The following UBE3C variants were observed in gnomAD, a reference collection of about 807,000 sequenced individuals.
UBE3C encodes ubiquitin protein ligase E3C, also known as ubiquitin-protein ligase E3C.
Under a neutral mutation model 129.4 loss-of-function variants are expected in UBE3C, and 42 were observed. The observed-to-expected ratio is 0.32, with a 90% CI of 0.25 to 0.42. The LOEUF is 0.42. Among genes scored for constraint, UBE3C ranks in the 10% least tolerant of loss-of-function variants. The pLI, the probability that UBE3C is intolerant of heterozygous loss-of-function variation, is 1.00. For synonymous variants in UBE3C, 510 were observed against 492.4 expected (o/e 1.04, Z -0.47); for missense variants, 1,049 against 1,319.1 (o/e 0.80, Z 3.17).
intron 4 of UBE3C, among the ~76,000 whole-genome samples, chr7:157,173,076 G>A (rs1380377472): frequency 1.3e-5 from 2 of 152,182 alleles, no homozygotes; most frequent in Non-Finnish European, 2.9e-5. Flanking sequence ...TCCAGGAAAA[G>A]GATAAAAGAA....
At chr7:157,162,196 A>AT (rs71189985) in intron 1 of UBE3C, among the ~76,000 whole-genome samples, 14 of 151,564 alleles carry the variant, frequency 9.2e-5, no homozygotes, top group Admixed American at 7.2e-4. Context: ...AAGATATTTA[A>AT]TTTTTTTTTC....
chr7:157,185,695 T>C (rs918000578), intron 9 of UBE3C, among the ~76,000 whole-genome samples: 1 of 152,200 alleles, frequency 6.6e-6, no homozygotes, highest in Admixed American at 6.5e-5. Context: ...TGCCTTTAGG[T>C]TTCTGTATAA....
chr7:157,213,532 G>A (rs967063390), intron 13 of UBE3C, among the ~76,000 whole-genome samples: 1 of 152,212 alleles, frequency 6.6e-6, no homozygotes, highest in Non-Finnish European at 1.5e-5. Flanking sequence ...TGGCATGGTT[G>A]CCTCTACAAA....
intron 10 of UBE3C, among the ~76,000 whole-genome samples, chr7:157,187,544 G>T (rs1808843246): frequency 6.6e-6 from 1 of 151,064 alleles, no homozygotes; most frequent in Non-Finnish European, 1.5e-5. Context: ...ACCACACCTG[G>T]CTAATTTTTT....
At position 157,254,036 on chromosome 7, in the gene UBE3C, A is replaced by G; in HGVS notation, c.2777A>G (p.Tyr926Cys). ...GCGTACATCCACTTGGTGGCAGACT[A>G]CAGGCTGAACAGGCAGATCCGCCAG... The part of the protein sequence containing the change: ...RIAYIHLVAD[Y>C]RLNRQIRQHC... The change falls in exon 20 of 23, where the codon TAC becomes TGC. Residue 926 changes from tyrosine (Y) to cysteine (C), a missense_variant. Tyr to Cys is a radical substitution (Grantham distance 194). Around this residue, in one of 4 missense-constraint regions of UBE3C, gnomAD observed 243 missense variants for 368.7 expected, o/e 0.66. Coordinates refer to ENST00000348165, the MANE Select transcript of UBE3C (RefSeq NM_014671.3). 1.2e-6 allele frequency: 2 copies of G among 1,613,754 alleles called. No individual in the cohort carries two copies. Among genetic ancestry groups the G allele is most frequent in the Non-Finnish European group, 8.5e-7 (1 of 1,179,886 alleles).
At chr7:157,141,314 C>T (rs1317891722) in intron 1 of UBE3C, among the ~76,000 whole-genome samples, 1 of 152,158 alleles carries the variant, frequency 6.6e-6, no homozygotes, top group Non-Finnish European at 1.5e-5. Context: ...AAAGGAAGAC[C>T]ATCCCCAGCA....
At chr7:157,178,574 C>A in intron 5 of UBE3C, 116 bp from the exon 6 acceptor site, 1 of 1,042,016 alleles carries the variant, frequency 9.6e-7, no homozygotes, top group Non-Finnish European at 1.4e-6. Flanking sequence ...TCCCTATTTT[C>A]AGAGATAATC....
At chr7:157,212,337 T>C (rs948466754) in intron 13 of UBE3C, among the ~76,000 whole-genome samples, 17 of 152,252 alleles carry the variant, frequency 1.1e-4, no homozygotes, top group Admixed American at 9.2e-4. Context: ...AAACTTGGAC[T>C]ATATGTACTT....
intron 1 of UBE3C, among the ~76,000 whole-genome samples, chr7:157,155,529 T>G (rs1263785430): frequency 1.3e-5 from 2 of 152,222 alleles, no homozygotes; most frequent in Admixed American, 6.5e-5. Context: ...TTACTTAAAT[T>G]TACTTTGACA....
At chr7:157,163,892 A>G (rs1210008848) in intron 2 of UBE3C, 29 bp downstream of exon 2, 2 of 1,606,318 alleles carry the variant, frequency 1.2e-6, no homozygotes, top group Admixed American at 1.7e-5. Flanking sequence ...TACTCTGTAG[A>G]TAAGCATTTT....
At chr7:157,203,918 C>T (rs1182871993) in intron 11 of UBE3C, among the ~76,000 whole-genome samples, 2 of 152,198 alleles carry the variant, frequency 1.3e-5, no homozygotes, top group Non-Finnish European at 2.9e-5. Context: ...ACAGCTTAGC[C>T]TAGCCTACCT....
intron 9 of UBE3C, 22 bp downstream of exon 9, chr7:157,184,051 T>C (rs1563045559): frequency 6.2e-7 from 1 of 1,609,426 alleles, no homozygotes; most frequent in Non-Finnish European, 8.5e-7. Context: ...GCCCTGCATC[T>C]GGGGGGCTGC....
chr7:157,164,552 C>T, intron 2 of UBE3C: 1 of 429,112 alleles, frequency 2.3e-6, no homozygotes, highest in East Asian at 7.2e-5. Flanking sequence ...ACACTAATGA[C>T]ATTTTTATTG....
intron 22 of UBE3C, among the ~76,000 whole-genome samples, chr7:157,266,413 C>CT (rs566589683): frequency 9.9e-5 from 15 of 152,268 alleles, no homozygotes; most frequent in Non-Finnish European, 1.8e-4. Flanking sequence ...TTGAATTTTT[C>CT]TTTTTTTGGC....
chr7:157,260,177 G>C (rs1490038591), intron 22 of UBE3C, among the ~76,000 whole-genome samples: 2 of 151,640 alleles, frequency 1.3e-5, no homozygotes, highest in South Asian at 2.1e-4. Context: ...TACCAGATAT[G>C]GGGGGTGGGG....
At chr7:157,178,989 A>G in intron 6 of UBE3C, 142 bp downstream of exon 6, 6 of 1,018,846 alleles carry the variant, frequency 5.9e-6, no homozygotes, top group Non-Finnish European at 8.2e-6. Flanking sequence ...CTCCATCCAC[A>G]GGTGCCCACC....
chr7:157,235,903 T>C (rs1234877961), intron 18 of UBE3C, among the ~76,000 whole-genome samples: 1 of 152,238 alleles, frequency 6.6e-6, no homozygotes, highest in Non-Finnish European at 1.5e-5. Flanking sequence ...AGTGTCATAG[T>C]ACAGCAGCTG....
At chr7:157,153,436 C>T (rs1284492404) in intron 1 of UBE3C, among the ~76,000 whole-genome samples, 6 of 151,952 alleles carry the variant, frequency 3.9e-5, no homozygotes, top group African/African-American at 1.5e-4. Context: ...TGTTGTATTG[C>T]GTAATGGGAG....
chr7:157,241,433 C>T (rs1796321372), intron 18 of UBE3C, among the ~76,000 whole-genome samples: 1 of 152,216 alleles, frequency 6.6e-6, no homozygotes, highest in African/African-American at 2.4e-5. Flanking sequence ...CAGGGACTGG[C>T]AGCAAGCAAA....
Sources: allele counts gnomAD v4.1 joint callset (sites outside exome capture counted in the v4.1 genomes callset), GRCh38; gene constraint gnomAD v4.1.1; regional missense constraint gnomAD v4.1.1; transcripts MANE v1.5; gene names NCBI Gene and HGNC (gene_info 2026-07-23, HGNC 2026-07-21).